The following MGA variants were observed in gnomAD, a reference collection of about 807,000 sequenced individuals.
MGA encodes MAX gene-associated protein.
In MGA, 40 loss-of-function variants were observed where a neutral mutation model predicts 261.1. The observed-to-expected ratio is 0.15, with a 90% CI of 0.12 to 0.20. The LOEUF (loss-of-function observed/expected upper bound fraction) is 0.20. Ranked by LOEUF, MGA falls within the 10% of genes least tolerant of loss-of-function variation. The pLI, the probability that MGA is intolerant of heterozygous loss-of-function variation, is 1.00. For synonymous variants in MGA, 1,302 were observed against 1,290.6 expected, an observed-to-expected ratio of 1.01 and a Z score of -0.19; for missense variants, 3,397 against 3,630.5, an observed-to-expected ratio of 0.94 and a Z score of 1.65.
intron 1 of MGA, among the ~76,000 whole-genome samples, chr15:41,667,948 C>A (rs773228975): frequency 1.3e-5 from 2 of 151,904 alleles, no homozygotes; most frequent in African/African-American, 4.8e-5. Flanking sequence ...GGACTACAGG[C>A]GTGCACCACC....
chr15:41,749,839 A>G lies in MGA; in HGVS notation c.6232A>G (p.Lys2078Glu). 6.2e-7 allele frequency: 1 copy of G among 1,613,994 alleles called. No individual in the cohort carries two copies. The highest frequency in any genetic ancestry group is 1.1e-5 in the South Asian group (1 of 91,084). The change falls in exon 17 of 24, where the codon AAA becomes GAA. Residue 2078 changes from lysine (K) to glutamate (E), a missense_variant. Lys to Glu is a moderately conservative substitution (Grantham distance 56). Coordinates refer to ENST00000219905, the MANE Select transcript of MGA (RefSeq NM_001164273.2). ...TGGGGCTAGGAATCGTAAGAGTTCC[A>G]AAGAAAAAGTGGCTGTTCTGGAAGT...
At chr15:41,623,656 G>A (rs2056366312) in intron 1 of MGA, among the ~76,000 whole-genome samples, 1 of 151,586 alleles carries the variant, frequency 6.6e-6, no homozygotes, top group African/African-American at 2.4e-5. Flanking sequence ...GAACCGGGGA[G>A]GCGGAGGTTG....
intron 1 of MGA, among the ~76,000 whole-genome samples, chr15:41,635,523 C>A (rs1008555200): frequency 1.3e-5 from 2 of 151,710 alleles, no homozygotes; most frequent in South Asian, 2.1e-4. Flanking sequence ...AGACCCCCCC[C>A]CTCCTATAAA....
At position 41,669,002 on chromosome 15, in the gene MGA, T is replaced by G. The variant is rs577900661; in HGVS notation, c.108T>G (p.Thr36=). 2 of 1,613,568 alleles carry G rather than the reference T, an allele frequency of 1.2e-6. No individual in the cohort carries two copies. Among genetic ancestry groups the G allele is most frequent in the East Asian group, 4.5e-5 (2 of 44,880 alleles). Residue 36 remains threonine (T), a synonymous_variant, in exon 2 of 24, where the codon ACT becomes ACG. Transcript: ENST00000219905. ...TAAAGCAGCCAGGAAATGGCAAAAC[T>G]GATCAAGGAATTTTGGTTACTAATC...
chr15:41,679,695 G>C (rs962967562), intron 2 of MGA, among the ~76,000 whole-genome samples: 4 of 151,938 alleles, frequency 2.6e-5, no homozygotes, highest in Non-Finnish European at 5.9e-5. Flanking sequence ...TGTTTATTAA[G>C]TGAGTGGCTT....
intron 1 of MGA, among the ~76,000 whole-genome samples, chr15:41,630,979 G>A (rs766071776): frequency 1.8e-4 from 28 of 152,156 alleles, no homozygotes; most frequent in Non-Finnish European, 3.4e-4. Context: ...CATGTATTGA[G>A]TACTTGCCAT....
At chr15:41,678,817 G>C (rs1317504810) in intron 2 of MGA, among the ~76,000 whole-genome samples, 1 of 151,078 alleles carries the variant, frequency 6.6e-6, no homozygotes, top group Non-Finnish European at 1.5e-5. Flanking sequence ...CCCATTGAAT[G>C]GTCTTTGCAC....
rs888835740 is a variant in MGA at position 41,669,713 on chromosome 15, A to G, written c.819A>G (p.Gln273=). 6.2e-7 allele frequency: 1 copy of G among 1,613,602 alleles called. No individual in the cohort carries two copies. The highest frequency in any genetic ancestry group is 8.5e-7 in the Non-Finnish European group (1 of 1,179,668). ...ATAAGCCCCAGAGAGATGGAAAACAAAAGAACAGCTCTGACCAAGAAGGGA... is the reference window on the plus strand; with the variant it reads ...ATAAGCCCCAGAGAGATGGAAAACAGAAGAACAGCTCTGACCAAGAAGGGA... The change falls in exon 2 of 24, where the codon CAA becomes CAG. Residue 273 remains glutamine (Q), a synonymous_variant. Coordinates refer to ENST00000219905, the MANE Select transcript of MGA (RefSeq NM_001164273.2).
rs1376800949 is a variant in MGA at position 41,768,403 on chromosome 15, G to A, written c.*1123G>A. On this transcript the variant is annotated 3_prime_UTR_variant, in exon 24 of 24. Coordinates refer to ENST00000219905, the MANE Select transcript of MGA (RefSeq NM_001164273.2). The stretch of plus-strand genomic sequence containing the variant: ...GTAAAGATATTTATATTTTTGTATA[G>A]TTGTTTTCATAGATTTCTCAAAGGC... 6.6e-6 allele frequency: 1 copy of A among 152,580 alleles called. No individual in the cohort carries two copies. Among genetic ancestry groups the A allele is most frequent in the Non-Finnish European group, 1.5e-5 (1 of 68,030 alleles). The allele number at this position is 152,580 out of a possible 1,614,324, so 9.5% of individuals were successfully genotyped here. A position where few individuals can be genotyped will look rare whatever the true frequency, so the allele number is the denominator to read the frequency against.
rs773151185 is a variant in MGA at position 41,766,661 on chromosome 15, G to A, written c.8579G>A (p.Arg2860Gln). 17 of 1,613,842 alleles carry A rather than the reference G, an allele frequency of 1.1e-5. No individual in the cohort carries two copies. In the East Asian group the frequency reaches 1.1e-4, roughly 11 times the overall value. Residue 2860 changes from arginine to glutamine, a missense_variant, in exon 24 of 24, where the codon CGG becomes CAG. Transcript: ENST00000219905. ...GATACAGAGTTCCCAGGGGATGCTC[G>A]GCGGGCTTTTATTAGTAAGGTTCCT...
chr15:41,669,922 G>C lies in MGA; in HGVS notation c.1028G>C (p.Ser343Thr). 6.2e-7 allele frequency: 1 copy of C among 1,613,646 alleles called. No homozygotes were observed. Among genetic ancestry groups the C allele is most frequent in the Non-Finnish European group, 8.5e-7 (1 of 1,179,702 alleles). The change falls in exon 2 of 24, where the codon AGT (serine) becomes ACT (threonine). Residue 343 changes from serine (S) to threonine (T), a missense_variant. Transcript: ENST00000219905. Reference sequence around the variant, plus strand: ...TTCATGGATACTGATTCAGCACTTAGTGAAGTTCCTCAATTGAAGCAAGAG... The same window carrying C: ...TTCATGGATACTGATTCAGCACTTACTGAAGTTCCTCAATTGAAGCAAGAG...
rs1415282137 is a variant in MGA at position 41,749,797 on chromosome 15, G to T, written c.6190G>T (p.Asp2064Tyr). 3.7e-6 allele frequency: 6 copies of T among 1,613,940 alleles called. No homozygotes were observed. The change falls in exon 17 of 24, where the codon GAT (aspartate) becomes TAT (tyrosine). Residue 2064 changes from aspartate to tyrosine, a missense_variant. Asp to Tyr is a radical substitution (Grantham distance 160). This residue lies in a region of MGA where 1,410 missense variants were observed against 1,386.4 expected (regional missense o/e 1.02). Coordinates refer to ENST00000219905, the MANE Select transcript of MGA (RefSeq NM_001164273.2). ...GTCACATACAGATCAAGATTATAAAGATGTTAATGAAGAATATGGGGCTAG... is the reference window on the plus strand; with the variant it reads ...GTCACATACAGATCAAGATTATAAATATGTTAATGAAGAATATGGGGCTAG...
At chr15:41,737,267 G>A (rs762397725) in intron 13 of MGA, among the ~76,000 whole-genome samples, 10 of 152,072 alleles carry the variant, frequency 6.6e-5, no homozygotes, top group Middle Eastern at 3.4e-3. Context: ...TGGGATTACA[G>A]GCATGTGACA....
chr15:41,733,117 C>G (rs905764273), intron 11 of MGA, among the ~76,000 whole-genome samples: 6 of 152,076 alleles, frequency 3.9e-5, no homozygotes, highest in East Asian at 1.9e-4. Flanking sequence ...TGCCACCATG[C>G]CCGGCTAATT....
At chr15:41,748,611 C>T (rs764455970) in intron 15 of MGA, 26 bp from the exon 16 acceptor site, 1 of 1,600,752 alleles carries the variant, frequency 6.2e-7, no homozygotes, top group Non-Finnish European at 8.5e-7. Flanking sequence ...AATTTGGGTA[C>T]CATGTTTCCA....
intron 15 of MGA, among the ~76,000 whole-genome samples, chr15:41,744,007 G>A (rs1200927509): frequency 2.6e-5 from 4 of 152,096 alleles, no homozygotes; most frequent in African/African-American, 9.7e-5. Flanking sequence ...GACTTTGCAG[G>A]ATTTGAGGGG....
upstream of MGA, among the ~76,000 whole-genome samples, chr15:41,657,195 G>C (rs1364277337): frequency 6.6e-6 from 1 of 152,056 alleles, no homozygotes; most frequent in East Asian, 1.9e-4. Context: ...CTTCATTACA[G>C]ATATTGGTGG....
chr15:41,653,065 C>T (rs919545624), intron 1 of MGA, among the ~76,000 whole-genome samples: 1 of 152,184 alleles, frequency 6.6e-6, no homozygotes, highest in East Asian at 1.9e-4. Flanking sequence ...ACAGCTTTTA[C>T]CTCTTTTTAA....
chr15:41,680,337 G>C (rs1190383417), intron 2 of MGA, among the ~76,000 whole-genome samples: 1 of 152,098 alleles, frequency 6.6e-6, no homozygotes, highest in Admixed American at 6.6e-5. Context: ...TAACTTTTCA[G>C]AGGTACACAG....
Sources: gnomAD v4.1 joint callset for allele counts (sites outside exome capture counted in the v4.1 genomes callset) on GRCh38, gnomAD v4.1.1 for gene constraint, gnomAD v4.1.1 regional missense constraint, MANE v1.5 for transcripts, NCBI Gene and HGNC (gene_info 2026-07-23, HGNC 2026-07-21) for gene names.